The following EEF2K variants were observed in gnomAD, a reference collection of about 807,000 sequenced individuals.
EEF2K encodes eukaryotic elongation factor 2 kinase.
A neutral mutation model predicts 93.8 loss-of-function variants in EEF2K; 70 were observed. That is an observed-to-expected ratio of 0.75 (90% CI 0.62 to 0.91). The LOEUF (loss-of-function observed/expected upper bound fraction) is 0.91. EEF2K is among the 40% of genes least tolerant of loss of function. The probability of loss-of-function intolerance (pLI) is 0.00; values close to 1 mark genes in which losing one functional copy is unlikely to be tolerated. For synonymous variants in EEF2K, 376 were observed against 380.8 expected (o/e 0.99, Z 0.15); for missense variants, 935 against 972.9 (o/e 0.96, Z 0.52).
intron 2 of EEF2K, among the ~76,000 whole-genome samples, chr16:22,228,613 G>C (rs1301825359): frequency 2.0e-5 from 3 of 152,246 alleles, no homozygotes; most frequent in Admixed American, 6.5e-5. Context: ...CTGGGACACA[G>C]AAAGCAGGCT....
Position 22,266,531 on chromosome 16 carries a change from G to A in EEF2K, c.1575+7G>A. 1 of 1,614,076 alleles carries A rather than the reference G, an allele frequency of 6.2e-7. No individual in the cohort carries two copies. The highest frequency in any genetic ancestry group is 1.3e-5 in the African/African-American group (1 of 75,060). On this transcript the variant is annotated splice_region_variant and intron_variant, in intron 14 of 17. Coordinates refer to ENST00000263026, the MANE Select transcript of EEF2K (RefSeq NM_013302.5). Reference sequence around the variant, plus strand: ...GAAGTCCATTTTGGGGAAGGTATCGGCGATGCCCATTTTGGAGCCCTGTCT... The same window carrying A: ...GAAGTCCATTTTGGGGAAGGTATCGACGATGCCCATTTTGGAGCCCTGTCT...
chr16:22,226,107 T>A, intron 2 of EEF2K, 132 bp downstream of exon 2: 1 of 1,322,610 alleles, frequency 7.6e-7, no homozygotes, highest in Non-Finnish European at 1.0e-6. Context: ...GAGCTGAGGA[T>A]ATACTTGTTA....
At chr16:22,264,711 A>G in intron 12 of EEF2K, 107 bp from the exon 13 acceptor site, 1 of 1,281,166 alleles carries the variant, frequency 7.8e-7, no homozygotes, top group Non-Finnish European at 1.1e-6. Context: ...AGGGTCACCT[A>G]GGAGGGCCAG....
chr16:22,240,192 G>A (rs1056098482), intron 2 of EEF2K, among the ~76,000 whole-genome samples: 3 of 151,890 alleles, frequency 2.0e-5, no homozygotes, highest in African/African-American at 7.3e-5. Flanking sequence ...TTTACAACAG[G>A]GAGCAATCAG....
At position 22,287,036 on chromosome 16, in the gene EEF2K, A is replaced by T. The variant is rs2047760023; in HGVS notation, c.*3040A>T. The T allele has an allele frequency of 1.3e-5, 2 of 152,262 alleles. No individual in the cohort carries two copies. The highest frequency in any genetic ancestry group is 2.9e-5 in the Non-Finnish European group (2 of 68,070). The allele number at this position is 152,262 out of a possible 1,614,324, so 9.4% of individuals were successfully genotyped here. The stretch of plus-strand genomic sequence containing the variant: ...TTAAAAGTGAAAAGTAACTTGCAAG[A>T]GGTTGAGATCCTTCTGAGCTAGGAG... On this transcript the variant is annotated 3_prime_UTR_variant, in exon 18 of 18. Transcript: ENST00000263026.
At chr16:22,257,149 C>T in intron 7 of EEF2K, 104 bp from the exon 8 acceptor site, 1 of 1,565,912 alleles carries the variant, frequency 6.4e-7, no homozygotes, top group Non-Finnish European at 8.7e-7. Flanking sequence ...CTCTATATAA[C>T]TCCTTGAAGA....
At chr16:22,235,656 CCTGA>C (rs2047160879) in intron 2 of EEF2K, among the ~76,000 whole-genome samples, 1 of 152,118 alleles carries the variant, frequency 6.6e-6, no homozygotes, top group African/African-American at 2.4e-5. Context: ...CACCACCACG[CCTGA>C]CTAATTTTGC....
chr16:22,226,517 C>CTTCTTTTTTT (rs1555469266), intron 2 of EEF2K, among the ~76,000 whole-genome samples: 2 of 106,900 alleles, frequency 1.9e-5, no homozygotes, highest in Non-Finnish European at 1.8e-5. Flanking sequence ...CCTTCTTCTT[C>CTTCTTTTTTT]TTTTTTTTTT....
chr16:22,257,559 C>CT (rs1194052646), intron 8 of EEF2K, 84 bp from the exon 9 acceptor site: 1 of 1,571,892 alleles, frequency 6.4e-7, no homozygotes, highest in African/African-American at 1.3e-5. Context: ...TATACCTGCC[C>CT]TGGCCATATG....
At chr16:22,236,344 T>TC (rs1464608142) in intron 2 of EEF2K, among the ~76,000 whole-genome samples, 2 of 151,668 alleles carry the variant, frequency 1.3e-5, no homozygotes, top group Non-Finnish European at 2.9e-5. Context: ...TATTTCTTTT[T>TC]TTTTTTTTTT....
intron 11 of EEF2K, among the ~76,000 whole-genome samples, chr16:22,261,887 T>C (rs1353977963): frequency 1.4e-5 from 2 of 144,294 alleles, no homozygotes; most frequent in African/African-American, 5.1e-5. Context: ...TGCCTGTAAT[T>C]CCAGCTACTT....
intron 16 of EEF2K, among the ~76,000 whole-genome samples, chr16:22,275,632 C>T (rs2047627027): frequency 6.6e-6 from 1 of 151,522 alleles, no homozygotes; most frequent in Non-Finnish European, 1.5e-5. Flanking sequence ...CCTGAGCCAC[C>T]ACTCTCAGCC....
At chr16:22,249,517 C>T (rs949754573) in intron 4 of EEF2K, among the ~76,000 whole-genome samples, 12 of 152,156 alleles carry the variant, frequency 7.9e-5, no homozygotes, top group Non-Finnish European at 1.6e-4. Context: ...AGTCACTCCT[C>T]CCATACCCAC....
chr16:22,260,522 A>G lies in EEF2K; in HGVS notation c.1292A>G (p.Asn431Ser), dbSNP rs753734750. 49 of 1,613,974 alleles carry G rather than the reference A, an allele frequency of 3.0e-5. 1 individual carries two copies. In the Admixed American group the frequency reaches 8.2e-4, roughly 27 times the overall value. Residue 431 changes from asparagine (N) to serine (S), a missense_variant, in exon 11 of 18, where the codon AAC (asparagine) becomes AGC (serine). By Grantham distance (46) the Asn-to-Ser change is conservative (BLOSUM62 1). Transcript: ENST00000263026. ...TCCAGAGACCATGATCATCTAGACA[A>G]CCACCGGGTGAGTGTGAAGGGAGGG... ...MASRDHDHLD[N>S]HRESENSGDS...
At chr16:22,255,128 C>T (rs967012193) in intron 6 of EEF2K, among the ~76,000 whole-genome samples, 1 of 152,150 alleles carries the variant, frequency 6.6e-6, no homozygotes, top group African/African-American at 2.4e-5. Flanking sequence ...AAGTTTAATT[C>T]ACAGACTGAG....
intron 1 of EEF2K, among the ~76,000 whole-genome samples, chr16:22,215,378 G>T (rs1200633942): frequency 6.6e-6 from 1 of 152,284 alleles, no homozygotes; most frequent in East Asian, 1.9e-4. Context: ...AAGGAGGTGA[G>T]GAGAGTTTGG....
intron 16 of EEF2K, among the ~76,000 whole-genome samples, chr16:22,277,907 A>G (rs1211047396): frequency 6.6e-6 from 1 of 152,044 alleles, no homozygotes; most frequent in African/African-American, 2.4e-5. Flanking sequence ...GGCAGAAGAG[A>G]AGGAGAGGGA....
chr16:22,254,841 G>A (rs11074508), intron 6 of EEF2K, among the ~76,000 whole-genome samples: 16,906 of 152,070 alleles, frequency 0.11, 996 homozygotes, highest in South Asian at 0.13. Context: ...CCCGGGGTGG[G>A]GGGGCGGATC....
At chr16:22,273,825 C>A (rs34472094) in intron 16 of EEF2K, 75 bp downstream of exon 16, 3 of 1,577,430 alleles carry the variant, frequency 1.9e-6, no homozygotes, top group African/African-American at 2.7e-5. Flanking sequence ...GGTATCAGCA[C>A]AGGCCTGGGT....
Sources: allele counts gnomAD v4.1 joint callset (sites outside exome capture counted in the v4.1 genomes callset), GRCh38; gene constraint gnomAD v4.1.1; transcripts MANE v1.5; gene names NCBI Gene and HGNC (gene_info 2026-07-23, HGNC 2026-07-21).